ARHGEF3: variants seen among roughly 807,000 people sequenced by gnomAD.
ARHGEF3 encodes the protein Rho guanine nucleotide exchange factor 3.
Under a neutral mutation model 63.2 loss-of-function variants are expected in ARHGEF3, and 28 were observed. The ratio of observed to expected loss-of-function variants is 0.44; its 90% CI spans 0.33 to 0.61. ARHGEF3 has a LOEUF of 0.61. ARHGEF3 is among the 20% of genes least tolerant of loss of function. The pLI is 0.03. For missense variants in ARHGEF3, 533 were observed against 659.3 expected, an observed-to-expected ratio of 0.81 and a Z score of 2.10; for synonymous variants, 266 against 254.2, an observed-to-expected ratio of 1.05 and a Z score of -0.44.
chr3:56,747,576 G>A (rs980350406), intron 6 of ARHGEF3, among the ~76,000 whole-genome samples: 6 of 152,184 alleles, frequency 3.9e-5, no homozygotes, highest in African/African-American at 9.7e-5. Flanking sequence ...GGTGGTTCAC[G>A]CCTGTAATCA....
At chr3:56,950,673 T>C (rs1360476965) in intron 3 of ARHGEF3, among the ~76,000 whole-genome samples, 3 of 152,072 alleles carry the variant, frequency 2.0e-5, no homozygotes, top group African/African-American at 4.8e-5. Context: ...ACTTTTACAC[T>C]GTTGGTGGGA....
Position 56,775,791 on chromosome 3 carries a change from C to T in ARHGEF3, c.97-1975G>A, listed in dbSNP as rs566592716. The T allele has an allele frequency of 6.3e-5, 21 of 331,792 alleles. No homozygotes were observed. In the East Asian group the frequency reaches 2.2e-3, roughly 35 times the overall value. The allele number at this position is 331,792 out of a possible 1,614,324, so 20.6% of individuals were successfully genotyped here. A position where few individuals can be genotyped will look rare whatever the true frequency, so the allele number is the denominator to read the frequency against. ...AGCGTACTGAATACACACACACACA[C>T]ACGCGCAAGCACACACACACACACA... is the stretch of plus-strand genomic sequence containing the variant. On this transcript the variant is annotated intron_variant, in intron 1 of 9. Transcript: ENST00000296315.
chr3:56,813,498 T>C (rs897661105), intron 4 of ARHGEF3, among the ~76,000 whole-genome samples: 1 of 152,206 alleles, frequency 6.6e-6, no homozygotes, highest in Non-Finnish European at 1.5e-5. Flanking sequence ...CACCGTGTTA[T>C]CGAAAAGATC....
chr3:56,910,022 C>A (rs2041812916), intron 3 of ARHGEF3, among the ~76,000 whole-genome samples: 1 of 152,092 alleles, frequency 6.6e-6, no homozygotes, highest in Non-Finnish European at 1.5e-5. Flanking sequence ...GTAGGACAGA[C>A]CACCCCAGCC....
At chr3:56,932,998 G>A (rs1441268908) in intron 3 of ARHGEF3, among the ~76,000 whole-genome samples, 10 of 151,968 alleles carry the variant, frequency 6.6e-5, no homozygotes, top group African/African-American at 2.4e-4. Flanking sequence ...ATTCTCATTG[G>A]GCAACTAAGG....
chr3:56,932,095 T>C (rs1349363369), intron 3 of ARHGEF3, among the ~76,000 whole-genome samples: 4 of 152,212 alleles, frequency 2.6e-5, no homozygotes, highest in African/African-American at 9.6e-5. Context: ...AGCATGGGAT[T>C]TAGTCCAATT....
chr3:56,867,218 T>C (rs891197358), intron 4 of ARHGEF3, among the ~76,000 whole-genome samples: 2 of 152,220 alleles, frequency 1.3e-5, no homozygotes, highest in Admixed American at 6.5e-5. Context: ...ATGTAACATA[T>C]GAACAACCAA....
chr3:57,073,591 A>G (rs1394147406), intron 1 of ARHGEF3: 1 of 1,463,080 alleles, frequency 6.8e-7, no homozygotes, highest in Non-Finnish European at 9.0e-7. Context: ...GGAACAGTGC[A>G]CTCAGAGCCA....
chr3:56,762,413 G>A (rs1232199007), intron 2 of ARHGEF3, among the ~76,000 whole-genome samples: 1 of 152,132 alleles, frequency 6.6e-6, no homozygotes, highest in Non-Finnish European at 1.5e-5. Flanking sequence ...TTGAGGAAAT[G>A]GTGCTCAAGT....
chr3:56,903,537 G>A (rs2041591422), intron 3 of ARHGEF3, among the ~76,000 whole-genome samples: 1 of 152,224 alleles, frequency 6.6e-6, no homozygotes, highest in South Asian at 2.1e-4. Flanking sequence ...ATTCTCATCA[G>A]TCAAAACCAA....
At position 56,908,857 on chromosome 3, in the gene ARHGEF3, G is replaced by T. The variant is rs1442353603; in HGVS notation, c.130-26503C>A. Among the ~76,000 whole-genome samples the T allele has an allele frequency of 3.9e-5, 6 of 152,134 alleles. No homozygotes were observed. The South Asian group carries it at 1.2e-3, about 32-fold the overall frequency. On this transcript the variant is annotated intron_variant, in intron 3 of 12. Transcript: ENST00000338458. Reference sequence around the variant, plus strand: ...ATTTGACCCAGCAATCCCATTACTGGGTATATACCCAAAGGAAGAGAAATT... The same window carrying T: ...ATTTGACCCAGCAATCCCATTACTGTGTATATACCCAAAGGAAGAGAAATT...
At chr3:56,755,176 T>C (rs773197068) in intron 2 of ARHGEF3, 25 bp from the exon 3 acceptor site, 1 of 1,608,480 alleles carries the variant, frequency 6.2e-7, no homozygotes, top group South Asian at 1.1e-5. Flanking sequence ...AAACAAACCA[T>C]CACGGGGGCA....
Position 56,728,679 on chromosome 3 carries a change from C to G in ARHGEF3, c.*591G>C, listed in dbSNP as rs146581593. 1.3e-5 allele frequency: 2 copies of G among 152,610 alleles called. No individual in the cohort carries two copies. The highest frequency in any genetic ancestry group is 4.8e-5 in the African/African-American group (2 of 41,466). The allele number at this position is 152,610 out of a possible 1,614,324, so 9.5% of individuals were successfully genotyped here. The stretch of plus-strand genomic sequence containing the variant: ...ATCAAACTTGCACTGGATGAAGTTG[C>G]AAAGTTCAGACAATGCATCCTCCTT... On this transcript the variant is annotated 3_prime_UTR_variant, in exon 10 of 10. Transcript: ENST00000296315.
At chr3:56,872,363 G>A (rs772298242) in intron 4 of ARHGEF3, among the ~76,000 whole-genome samples, 12 of 152,112 alleles carry the variant, frequency 7.9e-5, no homozygotes, top group Admixed American at 2.6e-4. Context: ...GGAGCATAAC[G>A]TATATAGCAT....
chr3:56,732,630 C>G (rs1394161014), intron 8 of ARHGEF3, among the ~76,000 whole-genome samples: 2 of 152,136 alleles, frequency 1.3e-5, no homozygotes, highest in Non-Finnish European at 2.9e-5. Context: ...GTAGAAGCAC[C>G]TCCCTAGGGA....
intron 3 of ARHGEF3, among the ~76,000 whole-genome samples, chr3:56,885,653 C>A (rs2040899400): frequency 6.6e-6 from 1 of 152,130 alleles, no homozygotes; most frequent in Admixed American, 6.5e-5. Flanking sequence ...CATGAGTTCC[C>A]CCAACCCAGT....
chr3:57,060,916 C>T (rs1023133178), intron 1 of ARHGEF3: 1 of 149,046 alleles, frequency 6.7e-6, no homozygotes, highest in African/African-American at 2.5e-5. Flanking sequence ...TAAGTTCAAT[C>T]TATAAAGAAA....
chr3:56,875,721 C>G (rs2040565453), intron 4 of ARHGEF3, among the ~76,000 whole-genome samples: 1 of 152,170 alleles, frequency 6.6e-6, no homozygotes, highest in Non-Finnish European at 1.5e-5. Context: ...CCCTTTCTTT[C>G]AATTATTCAT....
At chr3:56,857,057 G>A (rs533936017) in intron 4 of ARHGEF3, among the ~76,000 whole-genome samples, 2 of 151,676 alleles carry the variant, frequency 1.3e-5, no homozygotes, top group Non-Finnish European at 2.9e-5. Context: ...CCAAGATAAA[G>A]GCAATAATTT....
Sources: allele counts gnomAD v4.1 joint callset (sites outside exome capture counted in the v4.1 genomes callset), GRCh38; gene constraint gnomAD v4.1.1; transcripts MANE v1.5; gene names NCBI Gene and HGNC (gene_info 2026-07-23, HGNC 2026-07-21).